FSTL5: variants seen among roughly 807,000 people sequenced by gnomAD.
The protein encoded by FSTL5 is follistatin-related protein 5.
In FSTL5, 62 loss-of-function variants were observed where a neutral mutation model predicts 89.1. The ratio of observed to expected loss-of-function variants is 0.70; its 90% CI spans 0.57 to 0.86. The LOEUF (loss-of-function observed/expected upper bound fraction) is 0.86, where lower values mean the gene tolerates loss of function less well. FSTL5 is among the 40% of genes least tolerant of loss of function. The pLI is 0.00. For missense variants in FSTL5, 1,057 were observed against 1,001.6 expected, an observed-to-expected ratio of 1.06 and a Z score of -0.75; for synonymous variants, 383 against 346.2, an observed-to-expected ratio of 1.11 and a Z score of -1.18.
At chr4:161,854,000 C>T (rs1161991393) in intron 4 of FSTL5, among the ~76,000 whole-genome samples, 13 of 152,128 alleles carry the variant, frequency 8.5e-5, no homozygotes, top group Admixed American at 8.5e-4. Context: ...ATTCATCTAC[C>T]ACCATAGTAA....
chr4:161,949,752 T>A (rs542129435), intron 3 of FSTL5, among the ~76,000 whole-genome samples: 1 of 151,612 alleles, frequency 6.6e-6, no homozygotes, highest in South Asian at 2.1e-4. Context: ...ATGTTTCTGA[T>A]AAGTCCAAGC....
At chr4:161,845,668 A>C (rs1731343714) in intron 4 of FSTL5, among the ~76,000 whole-genome samples, 1 of 152,218 alleles carries the variant, frequency 6.6e-6, no homozygotes, top group South Asian at 2.1e-4. Flanking sequence ...ATTTGATATT[A>C]GTTTATAATG....
At chr4:161,965,730 C>T (rs1735306210) in intron 3 of FSTL5, among the ~76,000 whole-genome samples, 2 of 151,920 alleles carry the variant, frequency 1.3e-5, no homozygotes, top group South Asian at 4.1e-4. Flanking sequence ...CTCACTGGGC[C>T]CTTGTTCATG....
At chr4:161,665,671 A>G (rs1736868337) in intron 6 of FSTL5, among the ~76,000 whole-genome samples, 1 of 152,198 alleles carries the variant, frequency 6.6e-6, no homozygotes. Context: ...ATTATGCAAC[A>G]AAATAAAAAC....
rs12643883 is a variant in FSTL5, at chr4:162,061,809, T to A, written c.127-28151A>T. On this transcript the variant is annotated intron_variant, in intron 2 of 15. Coordinates refer to ENST00000306100, the MANE Select transcript of FSTL5 (RefSeq NM_020116.5). ...CACAGGGACATACATGATATAGTAC[T>A]ACTAGCATAATGAAATTGTGGTTAA... 4.9e-4 allele frequency among the ~76,000 whole-genome samples: 74 copies of A among 152,226 alleles called. 2 individuals carry two copies. The South Asian group carries it at 0.015, about 30-fold the overall frequency.
intron 3 of FSTL5, among the ~76,000 whole-genome samples, chr4:161,951,605 T>C (rs2110954013): frequency 6.6e-6 from 1 of 152,228 alleles, no homozygotes; most frequent in African/African-American, 2.4e-5. Flanking sequence ...GTGTACTAAC[T>C]AATCCTGAAC....
intron 4 of FSTL5, among the ~76,000 whole-genome samples, chr4:161,821,655 G>A (rs1418305963): frequency 6.6e-6 from 1 of 152,138 alleles, no homozygotes; most frequent in East Asian, 1.9e-4. Flanking sequence ...ACTTATGAGT[G>A]AGAACATATG....
intron 2 of FSTL5, among the ~76,000 whole-genome samples, chr4:162,051,011 CCTCTT>C (rs1560992535): frequency 1.3e-5 from 2 of 151,326 alleles, no homozygotes; most frequent in African/African-American, 4.8e-5. Flanking sequence ...ACCATTTAAA[CCTCTT>C]CTATGGGTCA....
At chr4:161,729,649 C>A (rs368678028) in intron 6 of FSTL5, among the ~76,000 whole-genome samples, 93 of 152,222 alleles carry the variant, frequency 6.1e-4, no homozygotes, top group South Asian at 5.2e-3. Context: ...TTATGAAAAT[C>A]TCTTGAAAAA....
intron 13 of FSTL5, among the ~76,000 whole-genome samples, chr4:161,464,583 A>G (rs1312463547): frequency 6.6e-6 from 1 of 152,172 alleles, no homozygotes; most frequent in Non-Finnish European, 1.5e-5. Context: ...TGCCTCATCT[A>G]ATAGATTCTA....
chr4:161,395,650 G>T (rs1385201877), intron 15 of FSTL5, among the ~76,000 whole-genome samples: 1 of 152,024 alleles, frequency 6.6e-6, no homozygotes, highest in African/African-American at 2.4e-5. Flanking sequence ...ACAGCCAATA[G>T]GTTTTGAGGA....
At chr4:162,055,678 C>T (rs1738519641) in intron 2 of FSTL5, among the ~76,000 whole-genome samples, 1 of 151,758 alleles carries the variant, frequency 6.6e-6, no homozygotes. Context: ...TGACTAAGAA[C>T]TGATAAAACA....
chr4:161,725,242 C>T (rs1005420587), intron 6 of FSTL5, among the ~76,000 whole-genome samples: 1 of 151,998 alleles, frequency 6.6e-6, no homozygotes, highest in African/African-American at 2.4e-5. Context: ...AAGTGGGTGC[C>T]TCCACGAAGG....
chr4:162,077,584 A>G (rs1729918982), intron 2 of FSTL5, among the ~76,000 whole-genome samples: 1 of 151,830 alleles, frequency 6.6e-6, no homozygotes, highest in South Asian at 2.1e-4. Flanking sequence ...TAGCTAACAC[A>G]CCAAAATACT....
At chr4:161,466,331 A>T (rs1733746794) in intron 13 of FSTL5, among the ~76,000 whole-genome samples, 1 of 152,176 alleles carries the variant, frequency 6.6e-6, no homozygotes, top group Non-Finnish European at 1.5e-5. Flanking sequence ...TACCCTAGTC[A>T]TGGACAAGTT....
intron 10 of FSTL5, among the ~76,000 whole-genome samples, chr4:161,532,644 G>C (rs1257415593): frequency 1.3e-5 from 2 of 152,058 alleles, no homozygotes; most frequent in Non-Finnish European, 2.9e-5. Context: ...TAACAGTGGG[G>C]GGACTTCAAC....
intron 15 of FSTL5, among the ~76,000 whole-genome samples, chr4:161,405,561 T>C (rs572156466): frequency 1.3e-5 from 2 of 152,208 alleles, no homozygotes; most frequent in East Asian, 3.9e-4. Flanking sequence ...TATGAAACAC[T>C]AACAAGTGTA....
chr4:161,481,840 C>T (rs1729521581), intron 12 of FSTL5, among the ~76,000 whole-genome samples: 1 of 152,170 alleles, frequency 6.6e-6, no homozygotes, highest in African/African-American at 2.4e-5. Flanking sequence ...GAAAGCCCCT[C>T]TATTTCCTCT....
Position 161,618,938 on chromosome 4 carries a change from T to C in FSTL5, c.895-31363A>G, listed in dbSNP as rs1248661745. Among the ~76,000 whole-genome samples, 3 of 152,324 alleles carry C rather than the reference T, an allele frequency of 2.0e-5. No homozygotes were observed. In the East Asian group the frequency reaches 5.8e-4, roughly 29 times the overall value. Reference sequence around the variant, plus strand: ...GGCATCATGATACCTGACTTCAAACTATACTATAAGGCTACAGTAACCAAA... The same window carrying C: ...GGCATCATGATACCTGACTTCAAACCATACTATAAGGCTACAGTAACCAAA... On this transcript the variant is annotated intron_variant, in intron 7 of 15. Coordinates refer to ENST00000306100, the MANE Select transcript of FSTL5 (RefSeq NM_020116.5).
Sources: gnomAD v4.1 joint callset for allele counts (sites outside exome capture counted in the v4.1 genomes callset) on GRCh38, gnomAD v4.1.1 for gene constraint, MANE v1.5 for transcripts, NCBI Gene and HGNC (gene_info 2026-07-23, HGNC 2026-07-21) for gene names.